Variants in CTNNA3 observed in about 807,000 individuals in gnomAD.
CTNNA3 encodes catenin alpha-3.
In CTNNA3, 76 loss-of-function variants were observed where a neutral mutation model predicts 95.7. The observed-to-expected ratio is 0.79, with a 90% confidence interval of 0.66 to 0.96. The LOEUF is 0.96. Among genes scored for constraint, CTNNA3 ranks in the 40% least tolerant of loss-of-function variants. The pLI, the probability that CTNNA3 is intolerant of heterozygous loss-of-function variation, is 0.00. For missense variants in CTNNA3, 1,191 were observed against 1,089.8 expected, an observed-to-expected ratio of 1.09 and a Z score of -1.31; for synonymous variants, 431 against 374.4, an observed-to-expected ratio of 1.15 and a Z score of -1.74.
intron 5 of CTNNA3, among the ~76,000 whole-genome samples, chr10:67,410,538 G>C (rs1052453859): frequency 1.3e-5 from 2 of 151,472 alleles, no homozygotes; most frequent in Non-Finnish European, 2.9e-5. Flanking sequence ...ATAAAAAATA[G>C]TGTTGGCAAG....
At chr10:66,935,634 AT>A (rs1213224067) in intron 7 of CTNNA3, among the ~76,000 whole-genome samples, 4 of 151,900 alleles carry the variant, frequency 2.6e-5, no homozygotes, top group South Asian at 2.1e-4. Flanking sequence ...GCCTAAAAAA[AT>A]ATATATATAT....
chr10:67,374,873 C>T (rs571501797), intron 5 of CTNNA3, among the ~76,000 whole-genome samples: 5 of 152,190 alleles, frequency 3.3e-5, no homozygotes, highest in South Asian at 2.1e-4. Context: ...CATTATAGAA[C>T]ACCAAATATA....
chr10:67,237,109 A>G (rs2132319931), intron 5 of CTNNA3, among the ~76,000 whole-genome samples: 1 of 121,490 alleles, frequency 8.2e-6, no homozygotes, highest in East Asian at 2.7e-4. Context: ...TGAGTGGATA[A>G]AGAAACTATG....
intron 13 of CTNNA3, among the ~76,000 whole-genome samples, chr10:66,204,202 C>G (rs1361377747): frequency 6.6e-6 from 1 of 152,100 alleles, no homozygotes; most frequent in Non-Finnish European, 1.5e-5. Flanking sequence ...CATCTCTTCA[C>G]TTCTAGGCTA....
chr10:67,441,160 A>G (rs1846496864), intron 5 of CTNNA3, among the ~76,000 whole-genome samples: 1 of 152,074 alleles, frequency 6.6e-6, no homozygotes, highest in Non-Finnish European at 1.5e-5. Flanking sequence ...CAATTGACAA[A>G]CTGAATAATG....
chr10:66,356,122 G>GTTTTTTTTTTTTTTTTT (rs59366031), intron 12 of CTNNA3, among the ~76,000 whole-genome samples: 2 of 117,236 alleles, frequency 1.7e-5, no homozygotes, highest in African/African-American at 3.6e-5. Context: ...TGCTTGTTTT[G>GTTTTTTTTTTTTTTTTT]TTTTTTTTTT....
intron 10 of CTNNA3, among the ~76,000 whole-genome samples, chr10:66,597,552 A>ATATATATATATT (rs1246174021): frequency 1.5e-4 from 19 of 130,540 alleles, no homozygotes; most frequent in South Asian, 4.8e-4. Flanking sequence ...ATATATATAT[A>ATATATATATATT]TATTTATTAA....
chr10:66,528,952 A>G (rs2132042781), intron 10 of CTNNA3, among the ~76,000 whole-genome samples: 1 of 152,258 alleles, frequency 6.6e-6, no homozygotes, highest in South Asian at 2.1e-4. Context: ...CATCATTTAT[A>G]CAAATGTATT....
At chr10:66,798,107 T>C (rs1338094542) in intron 7 of CTNNA3, among the ~76,000 whole-genome samples, 5 of 151,816 alleles carry the variant, frequency 3.3e-5, no homozygotes, top group Admixed American at 6.6e-5. Context: ...CTTTAAAAAA[T>C]TGCTCAAGTC....
At chr10:66,370,531 A>G (rs1421528715) in intron 12 of CTNNA3, among the ~76,000 whole-genome samples, 16 of 152,132 alleles carry the variant, frequency 1.1e-4, no homozygotes, top group Admixed American at 1.0e-3. Context: ...AGAGCTCCTA[A>G]CAGCTCTGGT....
chr10:66,146,942 G>C (rs2083915333), intron 13 of CTNNA3, among the ~76,000 whole-genome samples: 1 of 152,160 alleles, frequency 6.6e-6, no homozygotes. Flanking sequence ...AATATGAAAA[G>C]TTTTCCTGTA....
chr10:67,691,407 G>A (rs1482697992), intron 1 of CTNNA3, among the ~76,000 whole-genome samples: 2 of 151,792 alleles, frequency 1.3e-5, no homozygotes, highest in Non-Finnish European at 2.9e-5. Flanking sequence ...GGAAAGTGAG[G>A]AGCGTCTCTG....
intron 7 of CTNNA3, among the ~76,000 whole-genome samples, chr10:66,936,599 A>AT (rs1847709475): frequency 1.3e-5 from 2 of 152,126 alleles, no homozygotes; most frequent in Admixed American, 1.3e-4. Context: ...TCAGAAAGTC[A>AT]CAGGGTCAGT....
intron 7 of CTNNA3, among the ~76,000 whole-genome samples, chr10:66,994,462 A>G (rs12260524): frequency 3.7e-4 from 57 of 152,300 alleles, no homozygotes; most frequent in African/African-American, 1.3e-3. Context: ...TCATCCCTCA[A>G]TTACCAAATA....
intron 7 of CTNNA3, among the ~76,000 whole-genome samples, chr10:67,172,553 C>T (rs920821147): frequency 2.6e-5 from 4 of 151,794 alleles, no homozygotes; most frequent in African/African-American, 9.7e-5. Context: ...CATATATATA[C>T]ACACACACAC....
intron 5 of CTNNA3, among the ~76,000 whole-genome samples, chr10:67,421,293 G>T (rs932594179): frequency 6.6e-6 from 1 of 152,170 alleles, no homozygotes; most frequent in Non-Finnish European, 1.5e-5. Context: ...TATCCATCAT[G>T]GATTCAGCTG....
chr10:66,954,821 T>C (rs1171825665), intron 7 of CTNNA3, among the ~76,000 whole-genome samples: 1 of 152,170 alleles, frequency 6.6e-6, no homozygotes, highest in Non-Finnish European at 1.5e-5. Flanking sequence ...GGCTGATTAT[T>C]ATAGGCCTTG....
At chr10:66,360,624 TTTC>T (rs1313683488) in intron 12 of CTNNA3, among the ~76,000 whole-genome samples, 20 of 41,012 alleles carry the variant, frequency 4.9e-4, no homozygotes, top group Admixed American at 3.7e-3. Flanking sequence ...TCTTTCTTTC[TTTC>T]TTTCTTTCTT....
intron 5 of CTNNA3, among the ~76,000 whole-genome samples, chr10:67,362,802 A>G (rs1843037659): frequency 6.6e-6 from 1 of 152,036 alleles, no homozygotes; most frequent in Admixed American, 6.6e-5. Flanking sequence ...AATAGAAAAA[A>G]AAAAAAATCA....
Sources: gnomAD v4.1 joint callset for allele counts (sites outside exome capture counted in the v4.1 genomes callset) on GRCh38, gnomAD v4.1.1 for gene constraint, MANE v1.5 for transcripts, NCBI Gene and HGNC (gene_info 2026-07-23, HGNC 2026-07-21) for gene names.